RCBTB1: variants seen among roughly 807,000 people sequenced by gnomAD.
RCBTB1 encodes the protein RCC1 and BTB domain containing protein 1, also known as RCC1 and BTB domain-containing protein 1.
Under a neutral mutation model 62.4 loss-of-function variants are expected in RCBTB1, and 46 were observed. The observed-to-expected ratio is 0.74, with a 90% CI of 0.58 to 0.94. RCBTB1 has a LOEUF of 0.94. Among genes scored for constraint, RCBTB1 ranks in the 40% least tolerant of loss-of-function variants. The pLI is 0.00. For missense variants in RCBTB1, 565 were observed against 654.9 expected (o/e 0.86, Z 1.50); for synonymous variants, 222 against 245.8 (o/e 0.90, Z 0.91).
chr13:49,565,249 G>A (rs948185728), intron 4 of RCBTB1, among the ~76,000 whole-genome samples: 6 of 152,290 alleles, frequency 3.9e-5, no homozygotes, highest in African/African-American at 1.2e-4. Context: ...GCTCCTAACC[G>A]CGAGTGATCT....
intron 1 of RCBTB1, among the ~76,000 whole-genome samples, chr13:49,582,745 CA>C (rs1309170100): frequency 6.6e-6 from 1 of 152,220 alleles, no homozygotes; most frequent in East Asian, 1.9e-4. Context: ...GTATTATACC[CA>C]TCCTAGTGGA....
At chr13:49,546,449 G>A (rs1342945278) in intron 9 of RCBTB1, 3 of 523,428 alleles carry the variant, frequency 5.7e-6, no homozygotes, top group South Asian at 8.3e-5. Flanking sequence ...TCCACGGACC[G>A]AGGCGGGGAG....
intron 9 of RCBTB1, chr13:49,546,079 A>G: frequency 1.0e-6 from 1 of 985,222 alleles, no homozygotes; most frequent in South Asian, 4.7e-5. Context: ...ACTGGTGGGT[A>G]AAAGAATACA....
intron 5 of RCBTB1, among the ~76,000 whole-genome samples, chr13:49,558,686 C>T (rs1962149823): frequency 8.2e-6 from 1 of 121,410 alleles, no homozygotes; most frequent in Non-Finnish European, 1.6e-5. Flanking sequence ...AAGGGTGAAA[C>T]TCTGTCTCCA....
chr13:49,534,190 GC>G lies in RCBTB1; in HGVS notation c.1527del (p.Trp509CysfsTer8). ...TCCTTTAGCAGAGGGCCATCCATTTGCCAAAATGCTGCAGTCTGTGTAACTT... is the reference window on the plus strand; with the variant it reads ...TCCTTTAGCAGAGGGCCATCCATTTGCAAAATGCTGCAGTCTGTGTAACTT... The part of the protein sequence containing the change: ...LTEVTQTAAF[W>X]QMDGPLLKEF... On this transcript the variant is annotated frameshift_variant, in exon 13 of 13. Transcript: ENST00000378302. LOFTEE classifies it high-confidence loss of function. 6.2e-7 allele frequency: 1 copy of G among 1,614,094 alleles called. No individual in the cohort carries two copies. The highest frequency in any genetic ancestry group is 8.5e-7 in the Non-Finnish European group (1 of 1,179,970).
intron 12 of RCBTB1, among the ~76,000 whole-genome samples, chr13:49,540,163 A>T (rs1473539917): frequency 1.3e-5 from 2 of 152,228 alleles, no homozygotes; most frequent in Non-Finnish European, 2.9e-5. Flanking sequence ...CCTTTAAGGT[A>T]CTATCTTCAT....
chr13:49,566,860 A>G, intron 3 of RCBTB1, 92 bp from the exon 4 acceptor site: 2 of 1,237,660 alleles, frequency 1.6e-6, no homozygotes, highest in Admixed American at 2.6e-5. Flanking sequence ...CATTTCAACT[A>G]CAGAGCTCAG....
chr13:49,534,214 C>T lies in RCBTB1; in HGVS notation c.1504G>A (p.Val502Ile). The change falls in exon 13 of 13, where the codon GTT becomes ATT. Residue 502 changes from valine to isoleucine, a missense_variant. By Grantham distance (29) the Val-to-Ile change is conservative. Transcript: ENST00000378302. ...TGCCAAAATGCTGCAGTCTGTGTAA[C>T]TTCTGTCAAATGATTGATGCAAAAC... is the stretch of plus-strand genomic sequence containing the variant. Reference protein sequence around the residue: ...FKFCINHLTEVTQTAAFWQMD... With the variant: ...FKFCINHLTEITQTAAFWQMD... The T allele has an allele frequency of 4.3e-6, 7 of 1,614,140 alleles. No individual in the cohort carries two copies. The highest frequency in any genetic ancestry group is 5.9e-6 in the Non-Finnish European group (7 of 1,179,988).
intron 9 of RCBTB1, chr13:49,547,191 C>T: frequency 1.1e-6 from 1 of 875,740 alleles, no homozygotes. Flanking sequence ...AAAAAAAATA[C>T]TGTATTATAC....
At chr13:49,576,206 A>AAAAAAT (rs1963775084) in intron 2 of RCBTB1, among the ~76,000 whole-genome samples, 1 of 142,180 alleles carries the variant, frequency 7.0e-6, no homozygotes, top group African/African-American at 2.5e-5. Flanking sequence ...AAAAAAAAAA[A>AAAAAAT]GTTGAGATGA....
At chr13:49,570,579 T>C (rs1171964404) in intron 2 of RCBTB1, among the ~76,000 whole-genome samples, 1 of 152,218 alleles carries the variant, frequency 6.6e-6, no homozygotes, top group Non-Finnish European at 1.5e-5. Context: ...CCCCCAAACC[T>C]AGAAATTTGT....
At chr13:49,570,813 T>C (rs1265893686) in intron 2 of RCBTB1, among the ~76,000 whole-genome samples, 2 of 152,184 alleles carry the variant, frequency 1.3e-5, no homozygotes, top group Non-Finnish European at 2.9e-5. Context: ...TTCGTAATAC[T>C]CTTGTGAGGA....
At chr13:49,557,541 G>C (rs1321912081) in intron 5 of RCBTB1, among the ~76,000 whole-genome samples, 1 of 151,944 alleles carries the variant, frequency 6.6e-6, no homozygotes. Context: ...CTTAAGGATG[G>C]GGTCACTAAA....
chr13:49,541,063 G>T, intron 11 of RCBTB1, 57 bp from the exon 12 acceptor site: 1 of 1,528,202 alleles, frequency 6.5e-7, no homozygotes, highest in Non-Finnish European at 8.9e-7. Context: ...CCAATACACA[G>T]AGATTTTGTT....
intron 4 of RCBTB1, among the ~76,000 whole-genome samples, chr13:49,562,514 CAAAAAAA>C (rs55875979): frequency 8.7e-6 from 1 of 115,330 alleles, no homozygotes; most frequent in African/African-American, 3.1e-5. Flanking sequence ...GACCCTGTCT[CAAAAAAA>C]AAAAAAAAAA....
intron 5 of RCBTB1, among the ~76,000 whole-genome samples, chr13:49,557,351 G>A (rs1962009976): frequency 1.3e-5 from 2 of 152,044 alleles, no homozygotes; most frequent in Admixed American, 1.3e-4. Flanking sequence ...GGAACAAAAA[G>A]GCAAAGGAAA....
At chr13:49,565,004 C>T (rs571940034) in intron 4 of RCBTB1, among the ~76,000 whole-genome samples, 26 of 152,222 alleles carry the variant, frequency 1.7e-4, no homozygotes, top group African/African-American at 5.5e-4. Flanking sequence ...GTCCCGCTCC[C>T]GCTCCCATTC....
intron 2 of RCBTB1, among the ~76,000 whole-genome samples, chr13:49,567,833 AG>A (rs1963130605): frequency 6.6e-6 from 1 of 152,226 alleles, no homozygotes; most frequent in Admixed American, 6.5e-5. Context: ...CCGTCAAATC[AG>A]GCTATTCATT....
chr13:49,539,957 A>G (rs1960223380), intron 12 of RCBTB1, among the ~76,000 whole-genome samples: 1 of 152,234 alleles, frequency 6.6e-6, no homozygotes, highest in Non-Finnish European at 1.5e-5. Context: ...GGTGTTTGAT[A>G]AACTCCTTGA....
Sources: allele counts gnomAD v4.1 joint callset (sites outside exome capture counted in the v4.1 genomes callset), GRCh38; gene constraint gnomAD v4.1.1; transcripts MANE v1.5; gene names NCBI Gene and HGNC (gene_info 2026-07-23, HGNC 2026-07-21).